GXYLT1: variants seen among roughly 807,000 people sequenced by gnomAD.
GXYLT1 encodes glycosyltransferase 8 domain containing 3.
A neutral mutation model predicts 54.0 loss-of-function variants in GXYLT1; 29 were observed. The ratio of observed to expected loss-of-function variants is 0.54; its 90% CI spans 0.40 to 0.73. GXYLT1 has a LOEUF of 0.73. GXYLT1 is among the 30% of genes least tolerant of loss of function. The pLI, the probability that GXYLT1 is intolerant of heterozygous loss-of-function variation, is 0.00. For synonymous variants in GXYLT1, 176 were observed against 204.1 expected, an observed-to-expected ratio of 0.86 and a Z score of 1.17; for missense variants, 490 against 553.4, an observed-to-expected ratio of 0.89 and a Z score of 1.15.
At chr12:42,139,089 G>C (rs371862897) in intron 1 of GXYLT1, among the ~76,000 whole-genome samples, 1 of 151,208 alleles carries the variant, frequency 6.6e-6, no homozygotes, top group Non-Finnish European at 1.5e-5. Flanking sequence ...ACAGCTACTC[G>C]GGAAGCTAAG....
chr12:42,140,615 T>C (rs1196360146), intron 1 of GXYLT1, among the ~76,000 whole-genome samples: 3 of 152,180 alleles, frequency 2.0e-5, no homozygotes, highest in Non-Finnish European at 2.9e-5. Context: ...ACTCTTACTT[T>C]CTATTCTTTA....
At chr12:42,088,064 C>G in intron 7 of GXYLT1, 117 bp from the exon 8 acceptor site, 1 of 480,034 alleles carries the variant, frequency 2.1e-6, no homozygotes, top group Non-Finnish European at 3.6e-6. Context: ...CATTTAACGT[C>G]TCACAGAAAT....
rs746811147 is a variant in GXYLT1 at position 42,097,916 on chromosome 12, T to G, written c.982A>C (p.Asn328His). ...AAGGAATTTAAATAATTACCTGGAT[T>G]ATGAAAAAACACGATATTCAATAGA... ...QDLLNIVFFHNPESLFVFPCQ... is the reference protein window; with the variant it reads ...QDLLNIVFFHHPESLFVFPCQ... Residue 328 changes from asparagine (N) to histidine (H), a missense_variant, in exon 6 of 8, where the codon AAT becomes CAT. By Grantham distance (68) the Asn-to-His change is moderately conservative. This residue lies in a region of GXYLT1 where 342 missense variants were observed against 342.6 expected (regional missense o/e 1.00). Transcript: ENST00000398675. 17 of 1,583,776 alleles carry G rather than the reference T, an allele frequency of 1.1e-5. No homozygotes were observed. The highest frequency in any genetic ancestry group is 1.4e-5 in the Non-Finnish European group (16 of 1,162,718).
intron 7 of GXYLT1, among the ~76,000 whole-genome samples, chr12:42,094,659 G>GA (rs891003754): frequency 0.022 from 2,996 of 134,652 alleles, 111 homozygotes; most frequent in African/African-American, 0.076. Context: ...ACCCAGCAGT[G>GA]AAAAAAAAAA....
At chr12:42,092,012 T>C (rs1481761478) in intron 7 of GXYLT1, among the ~76,000 whole-genome samples, 1 of 152,170 alleles carries the variant, frequency 6.6e-6, no homozygotes, top group Non-Finnish European at 1.5e-5. Flanking sequence ...AAACTCTTAC[T>C]CATTCTTCAG....
At chr12:42,133,425 T>G (rs2065603635) in intron 1 of GXYLT1, among the ~76,000 whole-genome samples, 1 of 152,142 alleles carries the variant, frequency 6.6e-6, no homozygotes, top group African/African-American at 2.4e-5. Context: ...CCACATCCTA[T>G]TTCTTGGAAC....
intron 3 of GXYLT1, among the ~76,000 whole-genome samples, chr12:42,110,877 T>G (rs11181328): frequency 0.34 from 51,635 of 152,142 alleles, 9,258 homozygotes; most frequent in South Asian, 0.49. Flanking sequence ...CCATAAAATA[T>G]TTGATATTCT....
rs184635227 is a variant in GXYLT1, at chr12:42,123,273, T to C, written c.315-4102A>G. 2.0e-4 allele frequency among the ~76,000 whole-genome samples: 30 copies of C among 152,304 alleles called. No individual in the cohort carries two copies. In the South Asian group the frequency reaches 4.6e-3, roughly 23 times the overall value. On this transcript the variant is annotated intron_variant, in intron 2 of 7. Transcript: ENST00000398675. ...GTTAAATAACTTAAAGTGACAATTA[T>C]GGCTGTATTAAAGTATGTCCCTGTT...
At chr12:42,115,901 A>G (rs10880246) in intron 3 of GXYLT1, among the ~76,000 whole-genome samples, 31,877 of 92,190 alleles carry the variant, frequency 0.35, 7,223 homozygotes, top group South Asian at 0.48. Context: ...TACAATAACC[A>G]AAACAGCATG....
chr12:42,109,641 T>C lies in GXYLT1; in HGVS notation c.537A>G (p.Ile179Met). 1 of 1,587,078 alleles carries C rather than the reference T, an allele frequency of 6.3e-7. No individual in the cohort carries two copies. Among genetic ancestry groups the C allele is most frequent in the Non-Finnish European group, 8.6e-7 (1 of 1,161,970 alleles). ...CTGCTGCATTCTCACTTGGAAAGGTTATGGGGTATAACGTATAATTAAATG... is the reference window on the plus strand; with the variant it reads ...CTGCTGCATTCTCACTTGGAAAGGTCATGGGGTATAACGTATAATTAAATG... ...LQTFNYTLYP[I>M]TFPSENAAEW... The change falls in exon 4 of 8, where the codon ATA (isoleucine) becomes ATG (methionine). Residue 179 changes from isoleucine to methionine, a missense_variant. By Grantham distance (10) the Ile-to-Met change is conservative. Transcript: ENST00000398675.
chr12:42,136,843 G>A (rs1036972270), intron 1 of GXYLT1, among the ~76,000 whole-genome samples: 9 of 151,744 alleles, frequency 5.9e-5, no homozygotes, highest in Admixed American at 4.6e-4. Flanking sequence ...GTGCGAACAC[G>A]GTTCATTGCA....
chr12:42,086,184 G>A lies in GXYLT1; in HGVS notation c.*1602C>T, dbSNP rs539615286. 4.0e-5 allele frequency: 6 copies of A among 149,426 alleles called. No individual in the cohort carries two copies. Among genetic ancestry groups the A allele is most frequent in the African/African-American group, 1.5e-4 (6 of 40,702 alleles). The allele number at this position is 149,426 out of a possible 1,614,324, so 9.3% of individuals were successfully genotyped here. A position where few individuals can be genotyped will look rare whatever the true frequency, so the allele number is the denominator to read the frequency against. On this transcript the variant is annotated 3_prime_UTR_variant, in exon 8 of 8. Transcript: ENST00000398675. ...TCTACTCAGTAAGCTCAATTTCACAGTTTCTTATATTCACCATGGCATTCT... is the reference window on the plus strand; with the variant it reads ...TCTACTCAGTAAGCTCAATTTCACAATTTCTTATATTCACCATGGCATTCT...
rs1208909316 is a variant in GXYLT1, at chr12:42,120,113, A to AT, written c.315-943dup. 3.9e-5 allele frequency among the ~76,000 whole-genome samples: 6 copies of AT among 152,158 alleles called. No individual in the cohort carries two copies. The East Asian group carries it at 1.2e-3, about 29-fold the overall frequency. The stretch of plus-strand genomic sequence containing the variant: ...GATAGATTTGAAGGTCTTTCATTCA[A>AT]TTTTTTAAAAACATTGTTATTAAAA... On this transcript the variant is annotated intron_variant, in intron 2 of 7. Coordinates refer to ENST00000398675, the MANE Select transcript of GXYLT1 (RefSeq NM_173601.2).
chr12:42,141,329 G>A (rs887304249), intron 1 of GXYLT1, among the ~76,000 whole-genome samples: 7 of 152,286 alleles, frequency 4.6e-5, no homozygotes, highest in Non-Finnish European at 7.4e-5. Flanking sequence ...CCTTTGAGCT[G>A]CCCTGCTATC....
chr12:42,129,675 T>C lies in GXYLT1; in HGVS notation c.314+84A>G, dbSNP rs899791317. On this transcript the variant is annotated intron_variant, in intron 2 of 7. Transcript: ENST00000398675. ...TATTTGTATAATATCATAAGAAACATTCTTACATCCTATTACAAAGGTTTT... is the reference window on the plus strand; with the variant it reads ...TATTTGTATAATATCATAAGAAACACTCTTACATCCTATTACAAAGGTTTT... 3.8e-6 allele frequency: 3 copies of C among 793,090 alleles called. No homozygotes were observed. In the African/African-American group the frequency reaches 5.2e-5, roughly 14 times the overall value. 49.1% of individuals were successfully genotyped at this position (793,090 alleles called of 1,614,324 possible).
chr12:42,120,595 T>C (rs949735351), intron 2 of GXYLT1, among the ~76,000 whole-genome samples: 24 of 152,122 alleles, frequency 1.6e-4, no homozygotes, highest in African/African-American at 5.8e-4. Context: ...CAGTGGTGCA[T>C]TCATAGCTCA....
intron 1 of GXYLT1, among the ~76,000 whole-genome samples, chr12:42,134,614 C>T (rs1368980747): frequency 2.0e-5 from 3 of 152,208 alleles, no homozygotes; most frequent in African/African-American, 7.2e-5. Flanking sequence ...ACCCATTTCC[C>T]TCCCTACTCA....
intron 3 of GXYLT1, among the ~76,000 whole-genome samples, chr12:42,118,443 C>T (rs985127192): frequency 1.1e-4 from 17 of 152,194 alleles, no homozygotes; most frequent in African/African-American, 4.1e-4. Context: ...TAGCCCACTG[C>T]TGTTCAAAAA....
chr12:42,126,659 G>C (rs957043145), intron 2 of GXYLT1, among the ~76,000 whole-genome samples: 31 of 152,076 alleles, frequency 2.0e-4, no homozygotes, highest in Non-Finnish European at 5.9e-5. Flanking sequence ...TTGGGAGGCC[G>C]AGGCGGCCAG....
Sources: gnomAD v4.1 joint callset for allele counts (sites outside exome capture counted in the v4.1 genomes callset) on GRCh38, gnomAD v4.1.1 for gene constraint, gnomAD v4.1.1 regional missense constraint, MANE v1.5 for transcripts, NCBI Gene and HGNC (gene_info 2026-07-23, HGNC 2026-07-21) for gene names.